DST: variants seen among roughly 807,000 people sequenced by gnomAD.
The protein encoded by DST is dystonin.
A neutral mutation model predicts 875.2 loss-of-function variants in DST; 253 were observed. The ratio of observed to expected loss-of-function variants is 0.29; its 90% CI spans 0.26 to 0.32. DST has a LOEUF of 0.32. DST is among the 10% of genes least tolerant of loss of function. The pLI is 1.00. For synonymous variants in DST, 3,124 were observed against 3,197.1 expected (o/e 0.98, Z 0.77); for missense variants, 8,287 against 9,111.6 (o/e 0.91, Z 3.68).
At chr6:56,678,142 T>G (rs571682358) in intron 9 of DST, among the ~76,000 whole-genome samples, 10 of 152,322 alleles carry the variant, frequency 6.6e-5, no homozygotes, top group Middle Eastern at 3.4e-3. Context: ...TTAAACACGA[T>G]GCTCGCATCC....
At chr6:56,844,087 G>C (rs1326633785) in intron 4 of DST, 2 of 152,472 alleles carry the variant, frequency 1.3e-5, no homozygotes, top group Non-Finnish European at 2.9e-5. Flanking sequence ...ATCGGGGGGA[G>C]GGTTGGAAAT....
chr6:56,749,032 AT>A (rs1346468642), intron 4 of DST, among the ~76,000 whole-genome samples: 2 of 152,218 alleles, frequency 1.3e-5, no homozygotes, highest in African/African-American at 4.8e-5. Context: ...AGAAATTTTC[AT>A]TCTTCTCAAG....
At chr6:56,805,436 A>C (rs958190322) in intron 4 of DST, among the ~76,000 whole-genome samples, 4 of 152,200 alleles carry the variant, frequency 2.6e-5, no homozygotes, top group Non-Finnish European at 4.4e-5. Context: ...GAACTACTAC[A>C]GTAGTTATAC....
At chr6:56,829,733 T>C (rs2099784908) in intron 4 of DST, among the ~76,000 whole-genome samples, 3 of 152,186 alleles carry the variant, frequency 2.0e-5, no homozygotes, top group Admixed American at 2.0e-4. Flanking sequence ...ACCATTAATT[T>C]TTTTATGTCT....
At position 56,713,016 on chromosome 6, in the gene DST, G is replaced by A. The variant is rs1372657234; in HGVS notation, c.688-8647C>T. 3.3e-5 allele frequency among the ~76,000 whole-genome samples: 5 copies of A among 152,294 alleles called. No individual in the cohort carries two copies. In the East Asian group the frequency reaches 7.7e-4, roughly 24 times the overall value. On this transcript the variant is annotated intron_variant, in intron 5 of 103. Transcript: ENST00000680361. ...AAAGAGAGCTCCTGGGACAGATACA[G>A]CAACCTCTCAAGTCATGTGCTTCTA...
chr6:56,942,448 C>G (rs2122958), intron 2 of DST, among the ~76,000 whole-genome samples: 102,511 of 151,774 alleles, frequency 0.68, 36,535 homozygotes, highest in South Asian at 0.89. Flanking sequence ...TTTAGAAGTT[C>G]TAGTTGGGTT....
chr6:56,903,092 C>T (rs937309920), intron 2 of DST, among the ~76,000 whole-genome samples: 2 of 152,086 alleles, frequency 1.3e-5, no homozygotes, highest in Non-Finnish European at 2.9e-5. Context: ...GCCCTGCATT[C>T]TAATTCAGAA....
rs1463752572 is a variant in DST, at chr6:56,555,691, G to C, written c.14790C>G (p.Ser4930Arg). Residue 4930 changes from serine to arginine, a missense_variant, in exon 60 of 104, where the codon AGC becomes AGG. Ser to Arg is a moderately radical substitution (Grantham distance 110, BLOSUM62 -1). Transcript: ENST00000680361. Reference sequence around the variant, plus strand: ...ATCTGTCACTCAATTGCCCTGTTAGGCTATCCCATTTTTGGGTCACAGCTG... The same window carrying C: ...ATCTGTCACTCAATTGCCCTGTTAGCCTATCCCATTTTTGGGTCACAGCTG... ...QLAAVTQKWDSLTGQLSDRCD... is the reference protein window; with the variant it reads ...QLAAVTQKWDRLTGQLSDRCD... 6.2e-6 allele frequency: 10 copies of C among 1,612,446 alleles called. No individual in the cohort carries two copies. The highest frequency in any genetic ancestry group is 7.6e-6 in the Non-Finnish European group (9 of 1,178,650).
intron 69 of DST, among the ~76,000 whole-genome samples, chr6:56,518,853 A>T (rs565680876): frequency 1.3e-5 from 2 of 152,220 alleles, no homozygotes; most frequent in Non-Finnish European, 2.9e-5. Flanking sequence ...GGAAATCCAG[A>T]TGAGGTGGGA....
At chr6:56,808,581 T>A (rs1590896895) in intron 4 of DST, among the ~76,000 whole-genome samples, 3 of 152,342 alleles carry the variant, frequency 2.0e-5, no homozygotes, top group Middle Eastern at 3.4e-3. Context: ...TTATCCACAA[T>A]TGAGCTAACC....
Position 56,555,834 on chromosome 6 carries a change from G to A in DST, c.14647C>T (p.Leu4883=). ...GGTTTCCGAGTGGCGAATTCTTGCA[G>A]CAAAATCTAAGGTAACAAGGGTAAA... The part of the protein sequence containing the change: ...NTQRQQVQIL[L]QEFATRKPQY... The change falls in exon 60 of 104, where the codon CTG becomes TTG. Residue 4883 remains leucine, a synonymous_variant. Coordinates refer to ENST00000680361, the MANE Select transcript of DST (RefSeq NM_001374736.1). The A allele has an allele frequency of 6.7e-7, 1 of 1,488,652 alleles. No individual in the cohort carries two copies. Among genetic ancestry groups the A allele is most frequent in the Non-Finnish European group, 9.0e-7 (1 of 1,117,224 alleles). 92.2% of individuals were successfully genotyped at this position (1,488,652 alleles called of 1,614,324 possible).
chr6:56,572,362 T>A, intron 52 of DST, 96 bp from the exon 53 acceptor site: 1 of 749,166 alleles, frequency 1.3e-6, no homozygotes, highest in Admixed American at 3.6e-5. Context: ...ATGGCTCTAT[T>A]CATAATTTCA....
At chr6:56,736,296 A>C (rs1306568943) in intron 4 of DST, among the ~76,000 whole-genome samples, 2 of 152,214 alleles carry the variant, frequency 1.3e-5, no homozygotes, top group Non-Finnish European at 2.9e-5. Flanking sequence ...TATAGACAGC[A>C]CAAAGAAGAG....
chr6:56,659,433 A>G (rs1242929958), intron 10 of DST, among the ~76,000 whole-genome samples: 1 of 152,204 alleles, frequency 6.6e-6, no homozygotes, highest in Non-Finnish European at 1.5e-5. Context: ...CCAGGAGTAC[A>G]GTGTCATAAA....
In DST at chr6:56,508,541, T is replaced by C. The variant is rs1390112731; in HGVS notation, c.19227A>G (p.Gln6409=). ...ATTTTCTGCTTACCTCTGCTGCTTCTTGCTGTTGTTTTACTACTGAAGGAT... is the reference window on the plus strand; with the variant it reads ...ATTTTCTGCTTACCTCTGCTGCTTCCTGCTGTTGTTTTACTACTGAAGGAT... ...GIDPSVVKQQ[Q]EAAETIREEI... The change falls in exon 75 of 104, where the codon CAA becomes CAG. Residue 6409 remains glutamine, a synonymous_variant. Transcript: ENST00000680361. 1.9e-6 allele frequency: 3 copies of C among 1,613,366 alleles called. No individual in the cohort carries two copies. Among genetic ancestry groups the C allele is most frequent in the African/African-American group, 2.7e-5 (2 of 74,914 alleles).
intron 43 of DST, chr6:56,602,025 T>G: frequency 2.3e-6 from 1 of 433,918 alleles, no homozygotes; most frequent in Non-Finnish European, 4.5e-6. Context: ...AAATATGACT[T>G]GCTAACATTT....
At chr6:56,585,659 C>A (rs1324062625) in intron 49 of DST, among the ~76,000 whole-genome samples, 3 of 151,842 alleles carry the variant, frequency 2.0e-5, no homozygotes, top group Non-Finnish European at 4.4e-5. Flanking sequence ...TTTGCTCTTG[C>A]TTTTCTAGTT....
chr6:56,575,916 C>T (rs928665577), intron 50 of DST, among the ~76,000 whole-genome samples: 12 of 151,946 alleles, frequency 7.9e-5, no homozygotes, highest in Admixed American at 3.3e-4. Flanking sequence ...AATGAGGTGA[C>T]GCCTGGTGGC....
chr6:56,631,828 T>C (rs1288852219), intron 29 of DST, 55 bp downstream of exon 29: 4 of 1,529,346 alleles, frequency 2.6e-6, no homozygotes, highest in Non-Finnish European at 3.6e-6. Context: ...CAAGAGTTGA[T>C]ACATAAGGTC....
Sources: allele counts gnomAD v4.1 joint callset (sites outside exome capture counted in the v4.1 genomes callset), GRCh38; gene constraint gnomAD v4.1.1; transcripts MANE v1.5; gene names NCBI Gene and HGNC (gene_info 2026-07-23, HGNC 2026-07-21).